Variants in PPM1H observed in about 807,000 individuals in gnomAD.
The protein encoded by PPM1H is protein phosphatase 1H.
A neutral mutation model predicts 54.9 loss-of-function variants in PPM1H; 27 were observed. The ratio of observed to expected loss-of-function variants is 0.49; its 90% CI spans 0.36 to 0.68. PPM1H has a LOEUF of 0.68. PPM1H is among the 30% of genes least tolerant of loss of function. The probability of loss-of-function intolerance (pLI) is 0.00; values close to 1 mark genes in which losing one functional copy is unlikely to be tolerated. For synonymous variants in PPM1H, 305 were observed against 270.8 expected (o/e 1.13, Z -1.24); for missense variants, 596 against 667.8 (o/e 0.89, Z 1.19).
chr12:62,773,857 G>C (rs1480617119), intron 4 of PPM1H, among the ~76,000 whole-genome samples: 3 of 152,158 alleles, frequency 2.0e-5, no homozygotes, highest in Non-Finnish European at 2.9e-5. Context: ...CTCTCAGGGG[G>C]AACCAAGTCC....
At chr12:62,748,626 A>G (rs777425703) in intron 4 of PPM1H, among the ~76,000 whole-genome samples, 12 of 152,136 alleles carry the variant, frequency 7.9e-5, no homozygotes, top group Admixed American at 1.3e-4. Flanking sequence ...CTGACAGTTA[A>G]CCTGAAAGGC....
At chr12:62,840,718 G>A (rs1205652285) in intron 1 of PPM1H, among the ~76,000 whole-genome samples, 4 of 152,184 alleles carry the variant, frequency 2.6e-5, no homozygotes, top group African/African-American at 9.7e-5. Flanking sequence ...TATTGGCTTG[G>A]TGAGGGAGCT....
At chr12:62,760,681 C>A (rs570339754) in intron 4 of PPM1H, among the ~76,000 whole-genome samples, 133 of 152,180 alleles carry the variant, frequency 8.7e-4, no homozygotes, top group Non-Finnish European at 1.6e-3. Context: ...CTCATCAGAC[C>A]CCACTAAATA....
At chr12:62,727,267 G>T (rs552287546) in intron 5 of PPM1H, among the ~76,000 whole-genome samples, 1 of 152,200 alleles carries the variant, frequency 6.6e-6, no homozygotes, top group South Asian at 2.1e-4. Context: ...ACCCAACATA[G>T]TAAAGGTGCT....
intron 8 of PPM1H, among the ~76,000 whole-genome samples, chr12:62,686,892 C>A (rs1257238623): frequency 2.8e-5 from 4 of 140,734 alleles, no homozygotes; most frequent in African/African-American, 1.1e-4. Context: ...GGAAACCACT[C>A]CCTGGCTCAC....
rs767438867 is a variant in PPM1H at position 62,934,725 on chromosome 12, T to C, written c.12A>G (p.Arg4=). The C allele has an allele frequency of 7.5e-6, 12 of 1,599,230 alleles. No individual in the cohort carries two copies. Among genetic ancestry groups the C allele is most frequent in the Non-Finnish European group, 1.0e-5 (12 of 1,171,806 alleles). The change falls in exon 1 of 10, where the codon CGA becomes CGG. Residue 4 remains arginine (R), a synonymous_variant. Transcript: ENST00000228705. This position sits in a 1 kb window ranked among gnomAD's most constrained non-coding sequence, Gnocchi z 4.2. Reference sequence around the variant, plus strand: ...TGAAATTGGCCACGGCAGATTTCACTCGAGTGAGCATATTACTCCGGCGCC... The same window carrying C: ...TGAAATTGGCCACGGCAGATTTCACCCGAGTGAGCATATTACTCCGGCGCC... MLT[R]VKSAVANFMG... is the part of the protein sequence containing the mutation.
intron 1 of PPM1H, among the ~76,000 whole-genome samples, chr12:62,928,397 TC>T (rs1378743952): frequency 2.0e-5 from 3 of 152,212 alleles, no homozygotes; most frequent in Non-Finnish European, 4.4e-5. Context: ...CAATCCTGCA[TC>T]TTTTGCACCA....
chr12:62,853,096 T>A (rs1869255862), intron 1 of PPM1H, among the ~76,000 whole-genome samples: 1 of 151,938 alleles, frequency 6.6e-6, no homozygotes. Context: ...GCGGTGGAAA[T>A]GCAAATATGG....
At chr12:62,755,675 C>G in intron 4 of PPM1H, 1 of 665,038 alleles carries the variant, frequency 1.5e-6, no homozygotes, top group East Asian at 2.5e-5. Context: ...CAGCATGCCT[C>G]CTGTATCACC....
At chr12:62,764,526 A>C (rs2076529532) in intron 4 of PPM1H, among the ~76,000 whole-genome samples, 1 of 152,254 alleles carries the variant, frequency 6.6e-6, no homozygotes, top group Admixed American at 6.5e-5. Context: ...CCTTGAGTGT[A>C]ACAGGAACCC....
intron 8 of PPM1H, among the ~76,000 whole-genome samples, chr12:62,686,063 C>T (rs2136633371): frequency 6.6e-6 from 1 of 152,264 alleles, no homozygotes; most frequent in African/African-American, 2.4e-5. Context: ...CTCTCCACTC[C>T]CACGAATGCT....
rs536175929 is a variant in PPM1H, at chr12:62,909,889, A to G, written c.245+24603T>C. Among the ~76,000 whole-genome samples the G allele has an allele frequency of 3.9e-5, 6 of 152,362 alleles. No homozygotes were observed. The South Asian group carries it at 1.2e-3, about 32-fold the overall frequency. ...TTATTAAAGCAAGTCAGTAGTGTGT[A>G]TTATAATGAATACCATTGTGGAATT... On this transcript the variant is annotated intron_variant, in intron 1 of 9. Transcript: ENST00000228705.
At chr12:62,735,425 C>G (rs545669632) in intron 5 of PPM1H, among the ~76,000 whole-genome samples, 16 of 152,000 alleles carry the variant, frequency 1.1e-4, no homozygotes, top group African/African-American at 3.9e-4. Flanking sequence ...GCCATGTTGC[C>G]CAGACTGGTC....
chr12:62,895,201 T>G (rs1037950462), intron 1 of PPM1H, among the ~76,000 whole-genome samples: 2 of 152,206 alleles, frequency 1.3e-5, no homozygotes, highest in Non-Finnish European at 2.9e-5. Flanking sequence ...GACTTAGCAC[T>G]GGGCTTGGTA....
At chr12:62,817,389 C>T (rs2641548) in intron 2 of PPM1H, among the ~76,000 whole-genome samples, 1 of 150,950 alleles carries the variant, frequency 6.6e-6, no homozygotes, top group Admixed American at 6.6e-5. Flanking sequence ...GTGAACCTGG[C>T]AGGCGGAGCT....
At chr12:62,871,798 G>A (rs1869996881) in intron 1 of PPM1H, among the ~76,000 whole-genome samples, 1 of 152,044 alleles carries the variant, frequency 6.6e-6, no homozygotes, top group Non-Finnish European at 1.5e-5. Context: ...TTACAGGTGT[G>A]AGCCACCATG....
At chr12:62,911,274 A>C (rs539354918) in intron 1 of PPM1H, among the ~76,000 whole-genome samples, 1 of 152,288 alleles carries the variant, frequency 6.6e-6, no homozygotes, top group East Asian at 1.9e-4. Context: ...ATATGACAAG[A>C]TCTGAAATTA....
chr12:62,691,198 T>C (rs1168015449), intron 7 of PPM1H, among the ~76,000 whole-genome samples: 1 of 152,110 alleles, frequency 6.6e-6, no homozygotes, highest in Non-Finnish European at 1.5e-5. Flanking sequence ...CACAGAGGGA[T>C]GGAGTGAAAG....
chr12:62,662,643 G>A (rs753559744), intron 9 of PPM1H, among the ~76,000 whole-genome samples: 22 of 152,162 alleles, frequency 1.4e-4, no homozygotes, highest in Non-Finnish European at 2.9e-4. Flanking sequence ...CCTAAATCTA[G>A]AAGGGGAAGA....
Sources: allele counts gnomAD v4.1 joint callset (sites outside exome capture counted in the v4.1 genomes callset), GRCh38; gene constraint gnomAD v4.1.1; non-coding constraint Gnocchi (gnomAD v3.1); transcripts MANE v1.5; gene names NCBI Gene and HGNC (gene_info 2026-07-23, HGNC 2026-07-21).